Variants in ACSF2 observed in about 807,000 individuals in gnomAD.
ACSF2 encodes the protein medium-chain acyl-CoA ligase ACSF2, mitochondrial.
A neutral mutation model predicts 79.3 loss-of-function variants in ACSF2; 52 were observed. That is an observed-to-expected ratio of 0.66 (90% CI 0.53 to 0.83). The LOEUF is 0.83. Ranked by LOEUF, ACSF2 falls within the 40% of genes least tolerant of loss-of-function variation. ACSF2 has a pLI of 0.00. For synonymous variants in ACSF2, 283 were observed against 312.6 expected (o/e 0.91, Z 1.00); for missense variants, 661 against 803.3 (o/e 0.82, Z 2.14).
At chr17:50,473,579 A>T (rs1445908996) in intron 12 of ACSF2, 86 bp from the exon 13 acceptor site, 1 of 1,580,280 alleles carries the variant, frequency 6.3e-7, no homozygotes, top group Non-Finnish European at 8.7e-7. Context: ...GACACATAGT[A>T]GCTGGTCAAT....
chr17:50,461,185 C>T, intron 2 of ACSF2, 57 bp from the exon 3 acceptor site: 1 of 1,611,400 alleles, frequency 6.2e-7, no homozygotes, highest in Non-Finnish European at 8.5e-7. Context: ...GGGTGGGAGT[C>T]TTGGGCCCCT....
chr17:50,462,145 C>T (rs1216802183), intron 4 of ACSF2, 39 bp from the exon 5 acceptor site: 2 of 1,581,972 alleles, frequency 1.3e-6, no homozygotes, highest in South Asian at 2.2e-5. Context: ...TAGTCTGGGG[C>T]TCCCCGCTGA....
Position 50,462,542 on chromosome 17 carries a change from A to C in ACSF2, c.749A>C (p.Gln250Pro), listed in dbSNP as rs202105387. 1,582 of 1,613,860 alleles carry C rather than the reference A, an allele frequency of 9.8e-4. 41 individuals are homozygous for C. In the Admixed American group the frequency reaches 0.025, roughly 26 times the overall value. ...QHLDQLQYNQ[Q>P]FLSCHDPINI... The stretch of plus-strand genomic sequence containing the variant: ...CTGGACCAGCTCCAATACAACCAGC[A>C]GTTCCTGTCCTGCCATGACCCCATC... Residue 250 changes from glutamine to proline, a missense_variant, in exon 6 of 16, where the codon CAG becomes CCG. Gln to Pro is a moderately conservative substitution (Grantham distance 76). Coordinates refer to ENST00000300441, the MANE Select transcript of ACSF2 (RefSeq NM_025149.6).
At chr17:50,467,206 G>A (rs1175438004) in intron 10 of ACSF2, among the ~76,000 whole-genome samples, 1 of 152,268 alleles carries the variant, frequency 6.6e-6, no homozygotes, top group Admixed American at 6.5e-5. Context: ...AGAAAGGAAT[G>A]AGTGAGGATG....
intron 1 of ACSF2, among the ~76,000 whole-genome samples, chr17:50,432,773 C>T (rs1014846621): frequency 7.9e-5 from 12 of 152,180 alleles, no homozygotes; most frequent in Non-Finnish European, 1.0e-4. Flanking sequence ...CCAGTCCTAA[C>T]TTAGTGTGGC....
intron 10 of ACSF2, chr17:50,465,177 T>G: frequency 1.6e-6 from 2 of 1,242,710 alleles, no homozygotes; most frequent in Middle Eastern, 2.0e-4. Flanking sequence ...CTCCTCTCTC[T>G]GTAAAAATGG....
At chr17:50,458,016 T>C (rs530354620) in intron 1 of ACSF2, among the ~76,000 whole-genome samples, 2 of 152,272 alleles carry the variant, frequency 1.3e-5, no homozygotes, top group Admixed American at 1.3e-4. Context: ...TTTGCATTCT[T>C]TGTGAGATCC....
intron 6 of ACSF2, 152 bp downstream of exon 6, chr17:50,462,737 G>C: frequency 1.1e-6 from 1 of 884,242 alleles, no homozygotes; most frequent in Non-Finnish European, 1.7e-6. Context: ...GAAAATATCA[G>C]CACCTGGTGT....
At chr17:50,464,138 C>T in intron 9 of ACSF2, 80 bp from the exon 10 acceptor site, 1 of 1,463,648 alleles carries the variant, frequency 6.8e-7, no homozygotes, top group Non-Finnish European at 9.6e-7. Flanking sequence ...GAATGTTCCT[C>T]CCCTGAATGA....
At chr17:50,444,636 AACACACACAC>A (rs72392656) in intron 1 of ACSF2, among the ~76,000 whole-genome samples, 159 of 148,078 alleles carry the variant, frequency 1.1e-3, no homozygotes, top group South Asian at 4.6e-3. Context: ...TCTCTCTGCA[AACACACACAC>A]ACACACACAC....
rs1216200233 is a variant in ACSF2 at position 50,463,244 on chromosome 17, A to C, written c.881A>C (p.His294Pro). Reference sequence around the variant, plus strand: ...ATTTTAGGAGAGCGCCTGAAACTGCATGAGAAGGTGAGGCGGCACTAGGCC... The same window carrying C: ...ATTTTAGGAGAGCGCCTGAAACTGCCTGAGAAGGTGAGGCGGCACTAGGCC... ...SNILGERLKL[H>P]EKTPEQLRMI... Residue 294 changes from histidine to proline, a missense_variant, in exon 7 of 16, where the codon CAT becomes CCT. By Grantham distance (77) the His-to-Pro change is moderately conservative (BLOSUM62 -2). Coordinates refer to ENST00000300441, the MANE Select transcript of ACSF2 (RefSeq NM_025149.6). This position sits in a 1 kb window ranked among gnomAD's most constrained non-coding sequence, Gnocchi z 4.6. The C allele has an allele frequency of 2.5e-6, 4 of 1,613,978 alleles. No individual in the cohort carries two copies. The African/African-American group carries it at 5.3e-5, about 22-fold the overall frequency.
chr17:50,431,540 C>T (rs909366939), intron 1 of ACSF2, among the ~76,000 whole-genome samples: 2 of 152,226 alleles, frequency 1.3e-5, no homozygotes, highest in East Asian at 1.9e-4. Context: ...GTGCTTCAAT[C>T]GTTGTGAACC....
intron 1 of ACSF2, among the ~76,000 whole-genome samples, chr17:50,432,975 G>T (rs1222107882): frequency 6.6e-6 from 1 of 152,118 alleles, no homozygotes; most frequent in Non-Finnish European, 1.5e-5. Flanking sequence ...ATTTCACTTG[G>T]TCTCTTATGA....
At chr17:50,460,006 G>A (rs2032236209) in intron 1 of ACSF2, among the ~76,000 whole-genome samples, 1 of 152,178 alleles carries the variant, frequency 6.6e-6, no homozygotes, top group South Asian at 2.1e-4. Context: ...GACATCATCT[G>A]AGAGTGGGAG....
In ACSF2 at chr17:50,462,209, C is replaced by T. The variant is rs966359002; in HGVS notation, c.533C>T (p.Pro178Leu). 47 of 1,613,848 alleles carry T rather than the reference C, an allele frequency of 2.9e-5. No individual in the cohort carries two copies. The highest frequency in any genetic ancestry group is 3.6e-5 in the Non-Finnish European group (43 of 1,179,994). Residue 178 changes from proline to leucine, a missense_variant, in exon 5 of 16, where the codon CCC becomes CTC. Pro to Leu is a moderately conservative substitution (Grantham distance 98). Transcript: ENST00000300441. ...GTGGGCTGCAAGGCCCTTGTGTTCC[C>T]CAAGCAATTCAAGACCCAGCAATAC... ...KKVGCKALVF[P>L]KQFKTQQYYN...
chr17:50,434,971 T>C (rs2030272469), intron 1 of ACSF2, among the ~76,000 whole-genome samples: 1 of 152,046 alleles, frequency 6.6e-6, no homozygotes, highest in African/African-American at 2.4e-5. Context: ...CCCAGGTTCA[T>C]GCGATTCTCC....
Position 50,426,244 on chromosome 17 carries a change from C to G in ACSF2, c.-18C>G, listed in dbSNP as rs533735365. 7.6e-5 allele frequency: 101 copies of G among 1,333,606 alleles called. No individual in the cohort carries two copies. The highest frequency in any genetic ancestry group is 9.4e-5 in the Non-Finnish European group (97 of 1,034,976). The allele number at this position is 1,333,606 out of a possible 1,614,324, so 82.6% of individuals were successfully genotyped here. On this transcript the variant is annotated 5_prime_UTR_variant, in exon 1 of 16. Coordinates refer to ENST00000300441, the MANE Select transcript of ACSF2 (RefSeq NM_025149.6). ...CTTTAAAAGTTTACTCGGGCCGGGA[C>G]GCAGGGCAAAGCGAGCCATGGCTGT... is the stretch of plus-strand genomic sequence containing the variant.
intron 6 of ACSF2, 191 bp downstream of exon 6, chr17:50,462,776 C>A: frequency 1.5e-6 from 1 of 678,800 alleles, no homozygotes; most frequent in Middle Eastern, 4.0e-4. Context: ...CCTAGCCCCC[C>A]GCCCTCTCCA....
chr17:50,452,688 A>G (rs537463837), intron 1 of ACSF2, among the ~76,000 whole-genome samples: 1 of 152,274 alleles, frequency 6.6e-6, no homozygotes, highest in South Asian at 2.1e-4. Flanking sequence ...AAAGTTAAAA[A>G]AAAGAAAGAA....
Sources: allele counts gnomAD v4.1 joint callset (sites outside exome capture counted in the v4.1 genomes callset), GRCh38; gene constraint gnomAD v4.1.1; non-coding constraint Gnocchi (gnomAD v3.1); transcripts MANE v1.5; gene names NCBI Gene and HGNC (gene_info 2026-07-23, HGNC 2026-07-21).